MFSD6: variants seen among roughly 807,000 people sequenced by gnomAD.
MFSD6 encodes major facilitator superfamily domain-containing protein 6.
Under a neutral mutation model 56.3 loss-of-function variants are expected in MFSD6, and 26 were observed. The ratio of observed to expected loss-of-function variants is 0.46; its 90% CI spans 0.34 to 0.64. The LOEUF is 0.64. Ranked by LOEUF, MFSD6 falls within the 30% of genes least tolerant of loss-of-function variation. The pLI is 0.01. For synonymous variants in MFSD6, 331 were observed against 366.9 expected (o/e 0.90, Z 1.12); for missense variants, 750 against 986.2 (o/e 0.76, Z 3.21).
chr2:190,474,751 C>G (rs1160053435), intron 4 of MFSD6, among the ~76,000 whole-genome samples: 4 of 152,048 alleles, frequency 2.6e-5, no homozygotes, highest in African/African-American at 2.4e-5. Flanking sequence ...AAGCCTGGCA[C>G]AGACACAACC....
intron 3 of MFSD6, among the ~76,000 whole-genome samples, chr2:190,441,578 C>A (rs1193834215): frequency 6.6e-6 from 1 of 152,122 alleles, no homozygotes; most frequent in African/African-American, 2.4e-5. Context: ...CTAGTCCTCT[C>A]TCTGGCCTCT....
rs1193894972 is a variant in MFSD6, at chr2:190,497,159, C to A, written c.1892-280C>A. Among the ~76,000 whole-genome samples, 1 of 152,142 alleles carries A rather than the reference C, an allele frequency of 6.6e-6. No homozygotes were observed. The highest frequency in any genetic ancestry group is 1.5e-5 in the Non-Finnish European group (1 of 68,026). ...GGCCTAAGGCAACACTCATTATAACCTATGCCCCACTGATGTTCTAAGTTA... is the reference window on the plus strand; with the variant it reads ...GGCCTAAGGCAACACTCATTATAACATATGCCCCACTGATGTTCTAAGTTA... On this transcript the variant is annotated intron_variant, in intron 6 of 7. Coordinates refer to ENST00000392328, the MANE Select transcript of MFSD6 (RefSeq NM_017694.4). The surrounding 1 kb of genome is among the most constrained non-coding windows in gnomAD (Gnocchi z 5.2).
At chr2:190,483,330 T>C (rs1688808397) in intron 4 of MFSD6, among the ~76,000 whole-genome samples, 1 of 152,212 alleles carries the variant, frequency 6.6e-6, no homozygotes, top group Non-Finnish European at 1.5e-5. Flanking sequence ...TTTAAGCACC[T>C]AAGCTCTGAA....
In MFSD6 at chr2:190,500,337, A is replaced by T. The variant is rs1211578766; in HGVS notation, c.*119A>T. On this transcript the variant is annotated 3_prime_UTR_variant, in exon 8 of 8. Transcript: ENST00000392328. This position sits in a 1 kb window ranked among gnomAD's most constrained non-coding sequence, Gnocchi z 5.3. ...GGAGCACAGCACTGCATATGCTTCT[A>T]AATATCTAAACTCATTAACATGGAA... 1.0e-6 allele frequency: 1 copy of T among 993,928 alleles called. No homozygotes were observed. The highest frequency in any genetic ancestry group is 1.5e-6 in the Non-Finnish European group (1 of 671,612). The allele number at this position is 993,928 out of a possible 1,614,324, so 61.6% of individuals were successfully genotyped here.
chr2:190,429,227 CGT>C (rs34375122), intron 2 of MFSD6, among the ~76,000 whole-genome samples: 66 of 148,832 alleles, frequency 4.4e-4, no homozygotes, highest in South Asian at 1.1e-3. Context: ...TCTTTTGTTA[CGT>C]GTGTGTGTGT....
intron 4 of MFSD6, among the ~76,000 whole-genome samples, chr2:190,474,233 A>C (rs1033158805): frequency 1.3e-5 from 2 of 152,070 alleles, no homozygotes; most frequent in South Asian, 2.1e-4. Flanking sequence ...AACTGAAGGA[A>C]ATAGAGACAC....
At chr2:190,432,012 C>T (rs1686021702) in intron 2 of MFSD6, among the ~76,000 whole-genome samples, 1 of 148,872 alleles carries the variant, frequency 6.7e-6, no homozygotes, top group African/African-American at 2.6e-5. Flanking sequence ...TTTCTCTGGA[C>T]TGATAGTGTT....
In MFSD6 at chr2:190,447,088, G is replaced by C. The variant is rs572821188; in HGVS notation, c.1532+9527G>C. On this transcript the variant is annotated intron_variant, in intron 3 of 7. Transcript: ENST00000392328. The surrounding 1 kb of genome is among the most constrained non-coding windows in gnomAD (Gnocchi z 4.5). ...AGTCTCTCTCTGATTCATAGGCTCA[G>C]TAAAAAAAAAAACTTGAAAGGATGT... is the stretch of plus-strand genomic sequence containing the variant. Among the ~76,000 whole-genome samples the C allele has an allele frequency of 7.1e-6, 1 of 140,306 alleles. No individual in the cohort carries two copies. The allele number at this position is 140,306 out of a possible 152,430, so 92.0% of individuals were successfully genotyped here. A position where few individuals can be genotyped will look rare whatever the true frequency, so the allele number is the denominator to read the frequency against.
At chr2:190,475,726 G>A (rs552546654) in intron 4 of MFSD6, among the ~76,000 whole-genome samples, 8 of 152,148 alleles carry the variant, frequency 5.3e-5, no homozygotes, top group South Asian at 4.2e-4. Context: ...AAGTTCATAC[G>A]GAACCAAAAA....
At position 190,494,503 on chromosome 2, in the gene MFSD6, G is replaced by A. The variant is rs902463699; in HGVS notation, c.1892-2936G>A. ...AATCCTCCCTAAAACATTCTATGAAGCCAGTATCACCCTAATAACAAAACC... is the reference window on the plus strand; with the variant it reads ...AATCCTCCCTAAAACATTCTATGAAACCAGTATCACCCTAATAACAAAACC... On this transcript the variant is annotated intron_variant, in intron 6 of 7. Coordinates refer to ENST00000392328, the MANE Select transcript of MFSD6 (RefSeq NM_017694.4). The surrounding 1 kb of genome is among the most constrained non-coding windows in gnomAD (Gnocchi z 5.7). Among the ~76,000 whole-genome samples, 3 of 152,116 alleles carry A rather than the reference G, an allele frequency of 2.0e-5. No individual in the cohort carries two copies. The highest frequency in any genetic ancestry group is 1.3e-4 in the Admixed American group (2 of 15,268).
At chr2:190,480,343 T>G (rs1299846132) in intron 4 of MFSD6, among the ~76,000 whole-genome samples, 2 of 152,136 alleles carry the variant, frequency 1.3e-5, no homozygotes, top group Non-Finnish European at 2.9e-5. Context: ...TAATGCTTGT[T>G]GTTTAATTCA....
rs956558736 is a variant in MFSD6, at chr2:190,416,376, A to G, written c.-54+963A>G. 9.2e-5 allele frequency among the ~76,000 whole-genome samples: 14 copies of G among 152,226 alleles called. No homozygotes were observed. ...GAGAGGATTTCAGGTCCTTTCTTTC[A>G]GATTTATGATGTTACAAATATAAGT... On this transcript the variant is annotated intron_variant, in intron 2 of 7. Transcript: ENST00000392328. This position sits in a 1 kb window ranked among gnomAD's most constrained non-coding sequence, Gnocchi z 4.1.
chr2:190,436,020 G>T lies in MFSD6; in HGVS notation c.-10G>T. On this transcript the variant is annotated 5_prime_UTR_variant, in exon 3 of 8. Transcript: ENST00000392328. This position sits in a 1 kb window ranked among gnomAD's most constrained non-coding sequence, Gnocchi z 5.3. ...GAAGTTTGTAAACTTGCTGATGGTG[G>T]TGGTAAGCCATGGCAGATGATAAAG... 6.3e-7 allele frequency: 1 copy of T among 1,596,382 alleles called. No homozygotes were observed.
At position 190,416,695 on chromosome 2, in the gene MFSD6, A is replaced by G. The variant is rs1575815408; in HGVS notation, c.-54+1282A>G. On this transcript the variant is annotated intron_variant, in intron 2 of 7. Coordinates refer to ENST00000392328, the MANE Select transcript of MFSD6 (RefSeq NM_017694.4). This position sits in a 1 kb window ranked among gnomAD's most constrained non-coding sequence, Gnocchi z 4.1. ...AATGAAATATCTGGAATAAAACTAC[A>G]ACTACCAGCAACACCAAATGTTCAT... Among the ~76,000 whole-genome samples the G allele has an allele frequency of 6.6e-6, 1 of 152,216 alleles. No homozygotes were observed. Among genetic ancestry groups the G allele is most frequent in the Admixed American group, 6.5e-5 (1 of 15,282 alleles).
In MFSD6 at chr2:190,433,995, G is replaced by A. The variant is rs1437474191; in HGVS notation, c.-53-1982G>A. On this transcript the variant is annotated intron_variant, in intron 2 of 7. Coordinates refer to ENST00000392328, the MANE Select transcript of MFSD6 (RefSeq NM_017694.4). The surrounding 1 kb of genome is among the most constrained non-coding windows in gnomAD (Gnocchi z 4.5). ...CACTTGAGCCCAGGAGTTGGAGAAC[G>A]GCCTGGGCAACATGGCAAAAACCCC... 2.0e-5 allele frequency among the ~76,000 whole-genome samples: 3 copies of A among 151,868 alleles called. No individual in the cohort carries two copies. Among genetic ancestry groups the A allele is most frequent in the East Asian group, 1.9e-4 (1 of 5,178 alleles).
In MFSD6 at chr2:190,484,802, G is replaced by C. The variant is rs78384020; in HGVS notation, c.1631-3855G>C. On this transcript the variant is annotated intron_variant, in intron 4 of 7. Coordinates refer to ENST00000392328, the MANE Select transcript of MFSD6 (RefSeq NM_017694.4). ...AATTTAATTGCTTCTTCACTTATACGATATCTTAAAATAAGTTATTTTAGG... is the reference window on the plus strand; with the variant it reads ...AATTTAATTGCTTCTTCACTTATACCATATCTTAAAATAAGTTATTTTAGG... 3.9e-3 allele frequency among the ~76,000 whole-genome samples: 593 copies of C among 152,126 alleles called. 4 individuals carry two copies. The highest frequency in any genetic ancestry group is 0.014 in the African/African-American group (574 of 41,480).
At chr2:190,427,834 C>T (rs942233254) in intron 2 of MFSD6, among the ~76,000 whole-genome samples, 4 of 151,976 alleles carry the variant, frequency 2.6e-5, no homozygotes, top group South Asian at 2.1e-4. Context: ...TGGGTTCAAG[C>T]GATTCTCCTG....
intron 3 of MFSD6, among the ~76,000 whole-genome samples, chr2:190,466,862 A>T (rs1687632975): frequency 1.3e-5 from 2 of 152,218 alleles, no homozygotes; most frequent in African/African-American, 4.8e-5. Context: ...TGGCAATCTG[A>T]GACCTAAGGG....
chr2:190,436,723 G>A lies in MFSD6; in HGVS notation c.694G>A (p.Glu232Lys). ...ACCCACTCTGCAGCCCCAGACAGGT[G>A]AAATTACTAACCGTATGATGGACTT... is the stretch of plus-strand genomic sequence containing the variant. ...SEPTLQPQTG[E>K]ITNRMMDLTL... The change falls in exon 3 of 8, where the codon GAA becomes AAA. Residue 232 changes from glutamate to lysine, a missense_variant. Coordinates refer to ENST00000392328, the MANE Select transcript of MFSD6 (RefSeq NM_017694.4). This position sits in a 1 kb window ranked among gnomAD's most constrained non-coding sequence, Gnocchi z 5.3. 6.2e-7 allele frequency: 1 copy of A among 1,614,180 alleles called. No homozygotes were observed. The highest frequency in any genetic ancestry group is 8.5e-7 in the Non-Finnish European group (1 of 1,180,052).
Sources: allele counts gnomAD v4.1 joint callset (sites outside exome capture counted in the v4.1 genomes callset), GRCh38; gene constraint gnomAD v4.1.1; non-coding constraint Gnocchi (gnomAD v3.1); transcripts MANE v1.5; gene names NCBI Gene and HGNC (gene_info 2026-07-23, HGNC 2026-07-21).